Variants in NRF1 observed in about 807,000 individuals in gnomAD.
NRF1 encodes nuclear respiratory factor 1.
Under a neutral mutation model 58.5 loss-of-function variants are expected in NRF1, and 5 were observed. The ratio of observed to expected loss-of-function variants is 0.09; its 90% CI spans 0.04 to 0.18. The LOEUF (loss-of-function observed/expected upper bound fraction) is 0.18, where lower values mean the gene tolerates loss of function less well. Ranked by LOEUF, NRF1 falls within the 10% of genes least tolerant of loss-of-function variation. The pLI is 1.00. For synonymous variants in NRF1, 224 were observed against 246.7 expected, an observed-to-expected ratio of 0.91 and a Z score of 0.86; for missense variants, 288 against 657.7, an observed-to-expected ratio of 0.44 and a Z score of 6.15.
intron 10 of NRF1, among the ~76,000 whole-genome samples, chr7:129,731,252 C>T (rs35066104): frequency 2.6e-3 from 366 of 140,830 alleles, no homozygotes; most frequent in Non-Finnish European, 4.1e-3. Context: ...GCCTGGGCGA[C>T]AGAGCAAGAC....
At chr7:129,701,496 G>A (rs192834355) in intron 5 of NRF1, among the ~76,000 whole-genome samples, 1 of 151,908 alleles carries the variant, frequency 6.6e-6, no homozygotes, top group Non-Finnish European at 1.5e-5. Context: ...ACTACAGGTT[G>A]AGGCAGGAGA....
At chr7:129,716,600 G>A (rs1803195324) in intron 8 of NRF1, among the ~76,000 whole-genome samples, 1 of 152,120 alleles carries the variant, frequency 6.6e-6, no homozygotes, top group African/African-American at 2.4e-5. Flanking sequence ...GCCGGGCGTG[G>A]TGACTCATGC....
chr7:129,658,625 C>T (rs1324562928), intron 2 of NRF1, among the ~76,000 whole-genome samples: 4 of 149,894 alleles, frequency 2.7e-5, no homozygotes, highest in Non-Finnish European at 5.9e-5. Flanking sequence ...AAAAGCAAAA[C>T]GTTGTATGTA....
At position 129,640,956 on chromosome 7, in the gene NRF1, C is replaced by T. The variant is rs183869969; in HGVS notation, c.-6-16390C>T. Among the ~76,000 whole-genome samples the T allele has an allele frequency of 4.6e-5, 7 of 152,338 alleles. No individual in the cohort carries two copies. The East Asian group carries it at 1.3e-3, about 29-fold the overall frequency. On this transcript the variant is annotated intron_variant, in intron 1 of 10. Coordinates refer to ENST00000393232, the MANE Select transcript of NRF1 (RefSeq NM_005011.5). ...CCAAAGTAAACAGTTCCAGATTTTT[C>T]AGCCAGTCTTCATCAGGGTGTTATT...
intron 1 of NRF1, among the ~76,000 whole-genome samples, chr7:129,649,469 T>C (rs1430375262): frequency 6.6e-6 from 1 of 152,250 alleles, no homozygotes; most frequent in Non-Finnish European, 1.5e-5. Context: ...GGCCTGCTTT[T>C]CTTTCTGCTT....
chr7:129,669,590 A>C (rs181630224), intron 2 of NRF1, among the ~76,000 whole-genome samples: 1 of 152,328 alleles, frequency 6.6e-6, no homozygotes, highest in African/African-American at 2.4e-5. Context: ...CAAATAACTC[A>C]ATATAAAAAA....
At chr7:129,739,181 C>T (rs183733840) in intron 10 of NRF1, among the ~76,000 whole-genome samples, 1 of 152,266 alleles carries the variant, frequency 6.6e-6, no homozygotes, top group East Asian at 1.9e-4. Flanking sequence ...AATTTAAATG[C>T]AAGTTGATTA....
intron 2 of NRF1, among the ~76,000 whole-genome samples, chr7:129,668,394 G>A (rs1801969425): frequency 6.6e-6 from 1 of 152,150 alleles, no homozygotes; most frequent in Admixed American, 6.5e-5. Flanking sequence ...TAGGATGAAT[G>A]CCTTCAAATT....
intron 10 of NRF1, among the ~76,000 whole-genome samples, chr7:129,740,262 G>A (rs1803816280): frequency 1.3e-5 from 2 of 152,170 alleles, no homozygotes; most frequent in Admixed American, 1.3e-4. Context: ...ACTGGCTGGG[G>A]CATTGGAGGC....
At chr7:129,733,441 T>C (rs1222790947) in intron 10 of NRF1, among the ~76,000 whole-genome samples, 1 of 147,314 alleles carries the variant, frequency 6.8e-6, no homozygotes, top group East Asian at 2.0e-4. Context: ...CACTCCAGCC[T>C]GGGTATAGAG....
intron 2 of NRF1, among the ~76,000 whole-genome samples, chr7:129,670,514 G>A (rs1475393236): frequency 6.6e-6 from 1 of 152,118 alleles, no homozygotes. Context: ...AGTTCATTTA[G>A]GTTTACAGGG....
chr7:129,631,420 A>G (rs1012614644), intron 1 of NRF1, among the ~76,000 whole-genome samples: 2 of 151,824 alleles, frequency 1.3e-5, no homozygotes, highest in Admixed American at 6.6e-5. Context: ...GGGTCTCCCT[A>G]TGTTGCCAAG....
At chr7:129,733,358 T>TC (rs1178700227) in intron 10 of NRF1, among the ~76,000 whole-genome samples, 3 of 151,446 alleles carry the variant, frequency 2.0e-5, no homozygotes, top group African/African-American at 7.3e-5. Context: ...TCCCAGCTAC[T>TC]CGGGAGGCTG....
chr7:129,612,088 C>T (rs1244155758), intron 1 of NRF1, among the ~76,000 whole-genome samples: 10 of 150,172 alleles, frequency 6.7e-5, no homozygotes, highest in Admixed American at 6.6e-4. Context: ...CTCCCGAGAG[C>T]CCCAGGGTTC....
intron 3 of NRF1, among the ~76,000 whole-genome samples, chr7:129,676,681 A>G (rs1802187043): frequency 6.6e-6 from 1 of 152,234 alleles, no homozygotes; most frequent in South Asian, 2.1e-4. Flanking sequence ...AAATATTGCT[A>G]GAGTTACCAA....
intron 1 of NRF1, among the ~76,000 whole-genome samples, chr7:129,619,490 G>GTGTATATATATATATA (rs1422472177): frequency 6.2e-5 from 3 of 48,614 alleles, no homozygotes; most frequent in African/African-American, 2.0e-4. Context: ...GTGTGTGTGT[G>GTGTATATATATATATA]TATATATATA....
At chr7:129,696,069 A>AAAAC (rs2151095836) in intron 5 of NRF1, among the ~76,000 whole-genome samples, 1 of 139,980 alleles carries the variant, frequency 7.1e-6, no homozygotes, top group African/African-American at 2.7e-5. Flanking sequence ...CTAAAAAAAA[A>AAAAC]AAAAAAAAAA....
intron 4 of NRF1, among the ~76,000 whole-genome samples, chr7:129,679,132 C>G (rs1374895264): frequency 1.3e-5 from 2 of 152,130 alleles, no homozygotes; most frequent in African/African-American, 4.8e-5. Flanking sequence ...GTCTAGAACA[C>G]AATAATACAA....
Position 129,717,220 on chromosome 7 carries a change from T to G in NRF1, c.1067T>G (p.Val356Gly). 6.2e-7 allele frequency: 1 copy of G among 1,600,084 alleles called. No individual in the cohort carries two copies. The highest frequency in any genetic ancestry group is 1.7e-4 in the Middle Eastern group (1 of 6,006). The change falls in exon 9 of 11, where the codon GTG becomes GGG. Residue 356 changes from valine (V) to glycine (G), a missense_variant and splice_region_variant. This residue lies in a region of NRF1 where 212 missense variants were observed against 559.7 expected (regional missense o/e 0.38). Coordinates refer to ENST00000393232, the MANE Select transcript of NRF1 (RefSeq NM_005011.5). ...ACTATCTTGTCCTTTCTGCCTCAGG[T>G]GGAACAAAATTGGGCCACGTTACAG... ...VNYSAVADGE[V>G]EQNWATLQGG...
Sources: gnomAD v4.1 joint callset for allele counts (sites outside exome capture counted in the v4.1 genomes callset) on GRCh38, gnomAD v4.1.1 for gene constraint, gnomAD v4.1.1 regional missense constraint, MANE v1.5 for transcripts, NCBI Gene and HGNC (gene_info 2026-07-23, HGNC 2026-07-21) for gene names.